SLC24A2: variants seen among roughly 807,000 people sequenced by gnomAD.
SLC24A2 encodes solute carrier family 24 member 2.
Under a neutral mutation model 62.0 loss-of-function variants are expected in SLC24A2, and 36 were observed. The ratio of observed to expected loss-of-function variants is 0.58; its 90% CI spans 0.44 to 0.77. The LOEUF (loss-of-function observed/expected upper bound fraction) is 0.77. Ranked by LOEUF, SLC24A2 falls within the 30% of genes least tolerant of loss-of-function variation. The pLI is 0.00. For missense variants in SLC24A2, 846 were observed against 817.9 expected, an observed-to-expected ratio of 1.03 and a Z score of -0.42; for synonymous variants, 358 against 294.0, an observed-to-expected ratio of 1.22 and a Z score of -2.23.
chr9:20,156,871 A>G, the SLC24A2 span, among the ~76,000 whole-genome samples: 10 of 151,830 alleles, frequency 6.6e-5, no homozygotes, highest in Middle Eastern at 0.017. Context: ...TTCCAAGTCA[A>G]TAATACAAAG....
intron 4 of SLC24A2, among the ~76,000 whole-genome samples, chr9:19,616,845 G>C (rs1817781132): frequency 6.6e-6 from 1 of 152,046 alleles, no homozygotes; most frequent in Non-Finnish European, 1.5e-5. Flanking sequence ...TGGTCAGGAA[G>C]TATTTACACA....
chr9:19,676,187 T>G (rs1033356728), intron 2 of SLC24A2, among the ~76,000 whole-genome samples: 6 of 152,194 alleles, frequency 3.9e-5, no homozygotes, highest in Admixed American at 6.5e-5. Flanking sequence ...TGATCCCCCT[T>G]TCACACTTTC....
At chr9:20,083,052 G>A in the SLC24A2 span, among the ~76,000 whole-genome samples, 1 of 152,192 alleles carries the variant, frequency 6.6e-6, no homozygotes, top group Non-Finnish European at 1.5e-5. Flanking sequence ...CAGTGCCGGG[G>A]TCATTAAGCA....
At chr9:19,748,599 T>C (rs1821898412) in intron 2 of SLC24A2, among the ~76,000 whole-genome samples, 1 of 152,152 alleles carries the variant, frequency 6.6e-6, no homozygotes, top group East Asian at 1.9e-4. Flanking sequence ...AACCTGATAA[T>C]AAATTTCCAG....
the SLC24A2 span, among the ~76,000 whole-genome samples, chr9:20,019,129 GAAAGAAAGAAAGAAAGAAAGAA>G: frequency 7.6e-5 from 8 of 104,700 alleles, no homozygotes; most frequent in African/African-American, 2.5e-4. Flanking sequence ...AAGAAAGAAA[GAAAGAAAGAAAGAAAGAAAGAA>G]AGAAAGAGAG....
intron 4 of SLC24A2, among the ~76,000 whole-genome samples, chr9:19,607,046 T>TCATCC (rs1837003185): frequency 1.1e-5 from 1 of 90,662 alleles, no homozygotes; most frequent in Admixed American, 1.2e-4. Flanking sequence ...TCATTCAACC[T>TCATCC]CATGAAGTGA....
the SLC24A2 span, among the ~76,000 whole-genome samples, chr9:20,300,375 G>A: frequency 5.3e-5 from 8 of 152,240 alleles, no homozygotes; most frequent in African/African-American, 1.9e-4. Flanking sequence ...CTTAGGTTTT[G>A]TTTGTTTGTT....
chr9:19,675,209 G>C (rs149678303), intron 2 of SLC24A2, among the ~76,000 whole-genome samples: 77 of 152,302 alleles, frequency 5.1e-4, no homozygotes, highest in African/African-American at 1.8e-3. Context: ...GATGTGAACT[G>C]TCTTCAGGTC....
At chr9:19,697,243 T>C (rs1820219349) in intron 2 of SLC24A2, among the ~76,000 whole-genome samples, 1 of 152,152 alleles carries the variant, frequency 6.6e-6, no homozygotes, top group Non-Finnish European at 1.5e-5. Flanking sequence ...TAAGAACATA[T>C]GGACACATGG....
intron 2 of SLC24A2, among the ~76,000 whole-genome samples, chr9:19,784,308 T>C (rs1239561852): frequency 6.6e-6 from 1 of 152,206 alleles, no homozygotes; most frequent in African/African-American, 2.4e-5. Flanking sequence ...CCTTCCGCAA[T>C]CCTACATATA....
chr9:19,879,314 C>T, the SLC24A2 span, among the ~76,000 whole-genome samples: 1 of 152,040 alleles, frequency 6.6e-6, no homozygotes, highest in East Asian at 1.9e-4. Flanking sequence ...AATTTGTATG[C>T]AGTCTGCAAA....
chr9:20,026,451 C>G, the SLC24A2 span, among the ~76,000 whole-genome samples: 1 of 152,082 alleles, frequency 6.6e-6, no homozygotes, highest in Non-Finnish European at 1.5e-5. Flanking sequence ...TTAAAAAATC[C>G]CTAGGACCAT....
rs558049389 is a variant in SLC24A2, at chr9:19,532,035, T to TG, written c.1480-3898dup. Among the ~76,000 whole-genome samples, 380 of 152,236 alleles carry TG rather than the reference T, an allele frequency of 2.5e-3. 2 individuals are homozygous for TG. The highest frequency in any genetic ancestry group is 8.3e-3 in the African/African-American group (343 of 41,548). ...AGATGCCCAAATCCATAATATGAAA[T>TG]GGTGGAGTATTTACATATAACCTTT... On this transcript the variant is annotated intron_variant, in intron 8 of 10. Coordinates refer to ENST00000341998, the MANE Select transcript of SLC24A2 (RefSeq NM_020344.4).
At chr9:19,637,696 T>C (rs1156818292) in intron 2 of SLC24A2, among the ~76,000 whole-genome samples, 2 of 152,340 alleles carry the variant, frequency 1.3e-5, no homozygotes, top group East Asian at 3.9e-4. Flanking sequence ...CTTAGCTTCT[T>C]TGTTTCACAG....
chr9:20,060,296 C>G, the SLC24A2 span, among the ~76,000 whole-genome samples: 1 of 152,086 alleles, frequency 6.6e-6, no homozygotes, highest in African/African-American at 2.4e-5. Flanking sequence ...CATTTTCTAA[C>G]CCATTCCAAA....
At chr9:20,048,338 C>A in the SLC24A2 span, among the ~76,000 whole-genome samples, 2 of 152,210 alleles carry the variant, frequency 1.3e-5, no homozygotes, top group African/African-American at 4.8e-5. Flanking sequence ...AATGAGAAGG[C>A]AATATTATTG....
the SLC24A2 span, among the ~76,000 whole-genome samples, chr9:19,965,169 A>G: frequency 6.6e-6 from 1 of 152,120 alleles, no homozygotes; most frequent in Non-Finnish European, 1.5e-5. Context: ...AAGTAATACC[A>G]TAACCACTTG....
chr9:19,754,949 C>T (rs1380335984), intron 2 of SLC24A2, among the ~76,000 whole-genome samples: 1 of 152,122 alleles, frequency 6.6e-6, no homozygotes, highest in East Asian at 1.9e-4. Context: ...TACATTAAAA[C>T]CTGATCTCTC....
the SLC24A2 span, among the ~76,000 whole-genome samples, chr9:19,899,860 T>G: frequency 1.3e-5 from 2 of 152,132 alleles, no homozygotes; most frequent in Non-Finnish European, 2.9e-5. Context: ...GGAAGAGCAT[T>G]AAAGTAACTG....
Sources: gnomAD v4.1 joint callset for allele counts (sites outside exome capture counted in the v4.1 genomes callset) on GRCh38, gnomAD v4.1.1 for gene constraint, MANE v1.5 for transcripts, NCBI Gene and HGNC (gene_info 2026-07-23, HGNC 2026-07-21) for gene names.